The following ADCK5 variants were observed in gnomAD, a reference collection of about 807,000 sequenced individuals.
The protein encoded by ADCK5 is aarF domain containing kinase 5.
A neutral mutation model predicts 64.9 loss-of-function variants in ADCK5; 43 were observed. The ratio of observed to expected loss-of-function variants is 0.66; its 90% CI spans 0.52 to 0.85. The LOEUF (loss-of-function observed/expected upper bound fraction) is 0.85. ADCK5 is among the 40% of genes least tolerant of loss of function. The pLI is 0.00. For missense variants in ADCK5, 760 were observed against 810.5 expected (o/e 0.94, Z 0.76); for synonymous variants, 434 against 342.8 (o/e 1.27, Z -2.94).
At chr8:144,379,271 C>T (rs1554857657) in intron 1 of ADCK5, 116 bp from the exon 2 acceptor site, 3 of 661,456 alleles carry the variant, frequency 4.5e-6, no homozygotes, top group African/African-American at 1.9e-5. Context: ...TGGACTCACA[C>T]ATTAGGTTTA....
intron 1 of ADCK5, 114 bp from the exon 2 acceptor site, chr8:144,379,273 T>G (rs1396835072): frequency 1.4e-5 from 9 of 662,522 alleles, no homozygotes; most frequent in South Asian, 2.6e-5. Context: ...GACTCACACA[T>G]TAGGTTTAGA....
chr8:144,375,481 TGA>T (rs1554856960), intron 1 of ADCK5: 2 of 985,396 alleles, frequency 2.0e-6, no homozygotes, highest in African/African-American at 3.5e-5. Context: ...GGCATCATTC[TGA>T]GACTCGGCAG....
Position 144,391,802 on chromosome 8 carries a change from T to G in ADCK5, c.950T>G (p.Phe317Cys). 6.4e-7 allele frequency: 1 copy of G among 1,558,912 alleles called. No homozygotes were observed. The highest frequency in any genetic ancestry group is 8.6e-7 in the Non-Finnish European group (1 of 1,158,916). The change falls in exon 9 of 15, where the codon TTC becomes TGC. Residue 317 changes from phenylalanine (F) to cysteine (C), a missense_variant. Coordinates refer to ENST00000308860, the MANE Select transcript of ADCK5 (RefSeq NM_174922.5). ...KSSKRVLTAD[F>C]CAGCKVNDVE... is the part of the protein sequence containing the mutation. ...CCCCAGCGCGTGCTCACTGCCGACT[T>G]CTGCGCCGGCTGCAAGGTCAACGAT... is the stretch of plus-strand genomic sequence containing the variant.
chr8:144,382,199 T>C (rs1321129268), intron 2 of ADCK5, among the ~76,000 whole-genome samples: 3 of 150,590 alleles, frequency 2.0e-5, no homozygotes, highest in African/African-American at 7.3e-5. Context: ...AACAGATGTG[T>C]GCTCAGGCAC....
intron 3 of ADCK5, 138 bp from the exon 4 acceptor site, chr8:144,390,533 G>A (rs1820165771): frequency 4.4e-6 from 4 of 902,612 alleles, no homozygotes; most frequent in South Asian, 4.4e-5. Context: ...GCTGTAGGCT[G>A]GACCCTGGCT....
chr8:144,388,956 T>C (rs1037567413), intron 3 of ADCK5, among the ~76,000 whole-genome samples: 1 of 152,120 alleles, frequency 6.6e-6, no homozygotes, highest in African/African-American at 2.4e-5. Context: ...GTACGTGAGC[T>C]TCACAGAACG....
rs1040878217 is a variant in ADCK5 at position 144,392,060 on chromosome 8, G to A, written c.1097-32G>A. The A allele has an allele frequency of 1.9e-6, 3 of 1,612,392 alleles. No homozygotes were observed. In the South Asian group the frequency reaches 3.3e-5, roughly 18 times the overall value. ...CCCAGGGGTGGGGGTCTCAGGGTGG[G>A]CGCAGCGCGACCTAAGAGGCTGTAT... On this transcript the variant is annotated intron_variant, in intron 10 of 14. Transcript: ENST00000308860.
intron 3 of ADCK5, among the ~76,000 whole-genome samples, chr8:144,385,028 G>T (rs1554859034): frequency 6.6e-6 from 1 of 152,064 alleles, no homozygotes; most frequent in African/African-American, 2.4e-5. Context: ...CGGGTGAGGA[G>T]CATGGCGGTG....
chr8:144,380,482 C>T (rs2130694790), intron 2 of ADCK5, among the ~76,000 whole-genome samples: 1 of 149,024 alleles, frequency 6.7e-6, no homozygotes, highest in Admixed American at 6.7e-5. Context: ...GCTCAGGCAC[C>T]TGCTGCACTC....
intron 3 of ADCK5, 121 bp from the exon 4 acceptor site, chr8:144,390,550 C>A: frequency 1.8e-6 from 2 of 1,093,002 alleles, no homozygotes; most frequent in African/African-American, 1.6e-5. Context: ...GGCTTGGCCT[C>A]ACCCTTGGGA....
At chr8:144,389,527 A>G (rs1820106662) in intron 3 of ADCK5, among the ~76,000 whole-genome samples, 1 of 152,120 alleles carries the variant, frequency 6.6e-6, no homozygotes, top group Admixed American at 6.5e-5. Flanking sequence ...CAGGCTGCCC[A>G]TTCTGCAGAT....
rs782654037 is a variant in ADCK5, at chr8:144,377,725, T to G, written c.13-1662T>G. ...CCAAGTAAAAGATGTACAGGGTCCC[T>G]GTCTGTGGGGTCTCAGTAAGTTGTA... On this transcript the variant is annotated intron_variant, in intron 1 of 14. Transcript: ENST00000308860. 5.3e-5 allele frequency among the ~76,000 whole-genome samples: 8 copies of G among 152,230 alleles called. No homozygotes were observed. In the South Asian group the frequency reaches 8.3e-4, roughly 16 times the overall value.
intron 1 of ADCK5, chr8:144,377,367 A>C (rs968282424): frequency 6.6e-6 from 1 of 152,102 alleles, no homozygotes; most frequent in Non-Finnish European, 1.5e-5. Context: ...TTATTTTTCT[A>C]AATGGAGTCC....
chr8:144,378,740 G>A (rs1182326778), intron 1 of ADCK5, among the ~76,000 whole-genome samples: 2 of 152,122 alleles, frequency 1.3e-5, no homozygotes, highest in South Asian at 2.1e-4. Context: ...TTAGCTGGAT[G>A]TGGTGGCGTA....
At chr8:144,380,379 G>C (rs1452398147) in intron 2 of ADCK5, among the ~76,000 whole-genome samples, 2 of 152,126 alleles carry the variant, frequency 1.3e-5, no homozygotes, top group East Asian at 3.9e-4. Context: ...GGCACCTGCC[G>C]CAGTCAGGAT....
intron 2 of ADCK5, among the ~76,000 whole-genome samples, chr8:144,381,998 T>C (rs868910939): frequency 1.7e-3 from 151 of 90,768 alleles, no homozygotes; most frequent in South Asian, 0.014. Flanking sequence ...AGGCCCCTGC[T>C]GCACTCAGGA....
In ADCK5 at chr8:144,392,339, G is replaced by C. The variant is rs1326306865; in HGVS notation, c.1261G>C (p.Val421Leu). The C allele has an allele frequency of 6.7e-7, 1 of 1,494,182 alleles. No individual in the cohort carries two copies. The highest frequency in any genetic ancestry group is 1.4e-5 in the African/African-American group (1 of 72,172). The allele number at this position is 1,494,182 out of a possible 1,614,324, so 92.6% of individuals were successfully genotyped here. A position where few individuals can be genotyped will look rare whatever the true frequency, so the allele number is the denominator to read the frequency against. Residue 421 changes from valine (V) to leucine (L), a missense_variant, in exon 12 of 15, where the codon GTG becomes CTG. Physicochemically the swap from Val to Leu is conservative, Grantham distance 32 (BLOSUM62 1). Coordinates refer to ENST00000308860, the MANE Select transcript of ADCK5 (RefSeq NM_174922.5). ...GAGGGCGCACGCAGCCGCACTGGGG[G>C]TGCAAGGTGAGGGCGTGCGGGGATG... is the stretch of plus-strand genomic sequence containing the variant. ...AMRAHAAALG[V>L]QDYLLFAEML...
Position 144,392,334 on chromosome 8 carries a change from T to TGGAGGTGCAAGGTGA in ADCK5, c.1258_1259insAGGTGCAAGGTGAGG (p.Leu419_Gly420insGluValGlnGlyGlu). ...GCCATGAGGGCGCACGCAGCCGCAC[T>TGGAGGTGCAAGGTGA]GGGGGTGCAAGGTGAGGGCGTGCGG... On this transcript the variant is annotated inframe_insertion, in exon 12 of 15. Coordinates refer to ENST00000308860, the MANE Select transcript of ADCK5 (RefSeq NM_174922.5). The TGGAGGTGCAAGGTGA allele has an allele frequency of 6.1e-6, 9 of 1,476,844 alleles. No individual in the cohort carries two copies. The highest frequency in any genetic ancestry group is 7.2e-6 in the Non-Finnish European group (8 of 1,115,098). The allele number at this position is 1,476,844 out of a possible 1,614,324, so 91.5% of individuals were successfully genotyped here. A position where few individuals can be genotyped will look rare whatever the true frequency, so the allele number is the denominator to read the frequency against.
In ADCK5 at chr8:144,379,385, A is replaced by G; in HGVS notation, c.13-2A>G. 1 of 1,599,522 alleles carries G rather than the reference A, an allele frequency of 6.3e-7. No homozygotes were observed. The highest frequency in any genetic ancestry group is 8.5e-7 in the Non-Finnish European group (1 of 1,170,962). On this transcript the variant is annotated splice_acceptor_variant, in intron 1 of 14. Transcript: ENST00000308860. LOFTEE classifies it high-confidence loss of function. ...ACCCCACACAATTTCCTCTCTTTGCAGGTGCAGCTCTGTCATTTCCACTCT... is the reference window on the plus strand; with the variant it reads ...ACCCCACACAATTTCCTCTCTTTGCGGGTGCAGCTCTGTCATTTCCACTCT...
Sources: gnomAD v4.1 joint callset for allele counts (sites outside exome capture counted in the v4.1 genomes callset) on GRCh38, gnomAD v4.1.1 for gene constraint, MANE v1.5 for transcripts, NCBI Gene and HGNC (gene_info 2026-07-23, HGNC 2026-07-21) for gene names.